Variants in ECD observed in about 807,000 individuals in gnomAD.
ECD encodes protein ecdysoneless homolog.
In ECD, 59 loss-of-function variants were observed where a neutral mutation model predicts 77.2. The ratio of observed to expected loss-of-function variants is 0.76; its 90% CI spans 0.62 to 0.95. The LOEUF (loss-of-function observed/expected upper bound fraction) is 0.95, where lower values mean the gene tolerates loss of function less well. Ranked by LOEUF, ECD falls within the 40% of genes least tolerant of loss-of-function variation. The pLI is 0.00. For synonymous variants in ECD, 233 were observed against 267.4 expected (o/e 0.87, Z 1.26); for missense variants, 704 against 763.4 (o/e 0.92, Z 0.92).
intron 8 of ECD, among the ~76,000 whole-genome samples, chr10:73,147,673 G>C (rs183612049): frequency 1.2e-4 from 18 of 152,068 alleles, no homozygotes; most frequent in African/African-American, 3.9e-4. Flanking sequence ...CCTTTAAAAA[G>C]ATTATTCAAA....
At chr10:73,155,370 A>C (rs553435149) in intron 5 of ECD, among the ~76,000 whole-genome samples, 2 of 151,934 alleles carry the variant, frequency 1.3e-5, no homozygotes, top group East Asian at 3.9e-4. Flanking sequence ...CCGGCCAAAA[A>C]TATTTTTAAT....
intron 2 of ECD, among the ~76,000 whole-genome samples, chr10:73,163,511 T>C (rs561107305): frequency 2.6e-5 from 4 of 152,362 alleles, no homozygotes; most frequent in Admixed American, 6.5e-5. Context: ...ATGTTTAGTA[T>C]ATGCTAATTC....
At chr10:73,152,525 T>C (rs1843226885) in intron 6 of ECD, 104 bp from the exon 7 acceptor site, 1 of 1,343,078 alleles carries the variant, frequency 7.4e-7, no homozygotes, top group Non-Finnish European at 1.0e-6. Flanking sequence ...AAGCTTCATA[T>C]TCATATGAAA....
At chr10:73,137,775 CAA>C (rs1196092650) in intron 12 of ECD, among the ~76,000 whole-genome samples, 25 of 92,754 alleles carry the variant, frequency 2.7e-4, no homozygotes, top group Admixed American at 7.3e-4. Flanking sequence ...GACACTGTCT[CAA>C]AAAAAAAAAA....
At position 73,141,689 on chromosome 10, in the gene ECD, GATTTTT is replaced by G. The variant is rs1431038096; in HGVS notation, c.1128-1958_1128-1953del. 2.6e-5 allele frequency among the ~76,000 whole-genome samples: 4 copies of G among 152,160 alleles called. No individual in the cohort carries two copies. In the South Asian group the frequency reaches 8.3e-4, roughly 32 times the overall value. ...TCTTTAGCATTTGATATTCCAGAAT[GATTTTT>G]ATTTTGCCTTTTGTTATGATTATTT... is the stretch of plus-strand genomic sequence containing the variant. On this transcript the variant is annotated intron_variant, in intron 9 of 13. Coordinates refer to ENST00000372979, the MANE Select transcript of ECD (RefSeq NM_007265.3).
intron 8 of ECD, among the ~76,000 whole-genome samples, chr10:73,146,706 A>G (rs7907329): frequency 0.16 from 23,967 of 152,044 alleles, 3,151 homozygotes; most frequent in African/African-American, 0.34. Flanking sequence ...GGAGGATGAG[A>G]TGGGCAGACT....
intron 4 of ECD, 47 bp downstream of exon 4, chr10:73,156,521 C>T: frequency 6.2e-7 from 1 of 1,611,416 alleles, no homozygotes; most frequent in Non-Finnish European, 8.5e-7. Context: ...GAATGTAATG[C>T]AGCATGATTT....
intron 9 of ECD, among the ~76,000 whole-genome samples, chr10:73,145,528 G>C (rs546248737): frequency 1.1e-4 from 16 of 152,154 alleles, no homozygotes; most frequent in African/African-American, 3.9e-4. Flanking sequence ...CTGGTGTGCA[G>C]AATGGGAGCC....
chr10:73,166,349 G>A (rs1046947913), intron 1 of ECD, among the ~76,000 whole-genome samples: 2 of 152,096 alleles, frequency 1.3e-5, no homozygotes, highest in Admixed American at 1.3e-4. Flanking sequence ...CCAACAGTGG[G>A]ACTGCTGGAT....
At chr10:73,135,433 A>G (rs1207556210) in intron 13 of ECD, among the ~76,000 whole-genome samples, 1 of 151,876 alleles carries the variant, frequency 6.6e-6, no homozygotes, top group Non-Finnish European at 1.5e-5. Context: ...AAATGGAAAA[A>G]CTCAGCTGGG....
intron 2 of ECD, among the ~76,000 whole-genome samples, chr10:73,161,294 A>T (rs1843374327): frequency 6.6e-6 from 1 of 152,100 alleles, no homozygotes; most frequent in Non-Finnish European, 1.5e-5. Context: ...GTTTTTTTTA[A>T]AAGATTGACA....
At chr10:73,151,178 A>G (rs965846402) in intron 7 of ECD, among the ~76,000 whole-genome samples, 1 of 152,088 alleles carries the variant, frequency 6.6e-6, no homozygotes, top group African/African-American at 2.4e-5. Context: ...CATATACACC[A>G]TGGAATACTA....
intron 1 of ECD, among the ~76,000 whole-genome samples, chr10:73,166,555 T>C (rs1296176289): frequency 1.3e-5 from 2 of 152,248 alleles, no homozygotes. Flanking sequence ...TGCATTTCTC[T>C]GATAATCAAT....
At chr10:73,155,358 G>A (rs1023754261) in intron 5 of ECD, among the ~76,000 whole-genome samples, 1 of 151,700 alleles carries the variant, frequency 6.6e-6, no homozygotes, top group Non-Finnish European at 1.5e-5. Flanking sequence ...GAGCCACCGC[G>A]CCCGGCCAAA....
intron 5 of ECD, 76 bp downstream of exon 5, chr10:73,156,199 C>A: frequency 7.2e-7 from 1 of 1,395,278 alleles, no homozygotes; most frequent in Non-Finnish European, 9.5e-7. Context: ...GGAAAACAAA[C>A]AAAAATCAAA....
chr10:73,151,639 C>A (rs1413712450), intron 7 of ECD, among the ~76,000 whole-genome samples: 2 of 150,964 alleles, frequency 1.3e-5, no homozygotes, highest in Non-Finnish European at 2.9e-5. Context: ...AAGTGCATTT[C>A]TTTTATTATG....
At chr10:73,142,632 C>CAAAAAAA (rs35853120) in intron 9 of ECD, among the ~76,000 whole-genome samples, 1 of 74,020 alleles carries the variant, frequency 1.4e-5, no homozygotes. Flanking sequence ...GACTCCATCT[C>CAAAAAAA]AAAAAAAAAA....
At chr10:73,161,405 G>A (rs759292196) in intron 2 of ECD, among the ~76,000 whole-genome samples, 6 of 151,940 alleles carry the variant, frequency 3.9e-5, no homozygotes, top group Non-Finnish European at 7.4e-5. Flanking sequence ...GAAATAAGAA[G>A]GATAAGAGAA....
At chr10:73,135,564 T>C (rs879568948) in intron 13 of ECD, among the ~76,000 whole-genome samples, 1 of 151,902 alleles carries the variant, frequency 6.6e-6, no homozygotes, top group South Asian at 2.1e-4. Flanking sequence ...CTACTAAATA[T>C]ACAAAAATTA....
Sources: allele counts gnomAD v4.1 joint callset (sites outside exome capture counted in the v4.1 genomes callset), GRCh38; gene constraint gnomAD v4.1.1; transcripts MANE v1.5; gene names NCBI Gene and HGNC (gene_info 2026-07-23, HGNC 2026-07-21).